SAE1: variants seen among roughly 807,000 people sequenced by gnomAD.
The protein encoded by SAE1 is SUMO1 activating enzyme subunit 1.
A neutral mutation model predicts 40.6 loss-of-function variants in SAE1; 11 were observed. That is an observed-to-expected ratio of 0.27 (90% CI 0.17 to 0.45). The LOEUF is 0.45. Ranked by LOEUF, SAE1 falls within the 20% of genes least tolerant of loss-of-function variation. The probability of loss-of-function intolerance (pLI) is 1.00; values close to 1 mark genes in which losing one functional copy is unlikely to be tolerated. For synonymous variants in SAE1, 155 were observed against 154.3 expected, an observed-to-expected ratio of 1.00 and a Z score of -0.03; for missense variants, 373 against 427.3, an observed-to-expected ratio of 0.87 and a Z score of 1.12.
chr19:47,152,034 C>T (rs544212643), intron 3 of SAE1, among the ~76,000 whole-genome samples: 2 of 152,326 alleles, frequency 1.3e-5, no homozygotes, highest in East Asian at 1.9e-4. Context: ...CTTTGAAACA[C>T]CAAAGGAACA....
intron 6 of SAE1, among the ~76,000 whole-genome samples, chr19:47,186,505 G>T (rs578137296): frequency 6.6e-6 from 1 of 152,086 alleles, no homozygotes. Context: ...TTGAGCATTC[G>T]TGCTCCCCTC....
At chr19:47,207,275 A>G (rs1390573838) in intron 8 of SAE1, among the ~76,000 whole-genome samples, 1 of 152,228 alleles carries the variant, frequency 6.6e-6, no homozygotes, top group Admixed American at 6.5e-5. Context: ...ATTTCCCTGG[A>G]AAAATGGCTG....
rs1190029280 is a variant in SAE1 at position 47,150,307 on chromosome 19, G to T, written c.316G>T (p.Val106Leu). ...GCGAGCTCAGAATCTCAACCCCATGGTGGATGTGAAGGTGGACACTGAGGA... is the reference window on the plus strand; with the variant it reads ...GCGAGCTCAGAATCTCAACCCCATGTTGGATGTGAAGGTGGACACTGAGGA... ...LERAQNLNPM[V>L]DVKVDTEDIE... The change falls in exon 3 of 9, where the codon GTG (valine) becomes TTG (leucine). Residue 106 changes from valine to leucine, a missense_variant. Around this residue, in one of 3 missense-constraint regions of SAE1, gnomAD observed 351 missense variants for 390.6 expected, o/e 0.90. Transcript: ENST00000270225. 12 of 1,613,874 alleles carry T rather than the reference G, an allele frequency of 7.4e-6. No homozygotes were observed. Among genetic ancestry groups the T allele is most frequent in the Non-Finnish European group, 9.3e-6 (11 of 1,179,872 alleles).
At chr19:47,141,504 G>C (rs1028210512) in intron 1 of SAE1, among the ~76,000 whole-genome samples, 1 of 152,280 alleles carries the variant, frequency 6.6e-6, no homozygotes, top group South Asian at 2.1e-4. Flanking sequence ...GTAGGTCGTG[G>C]AGAGCAGATT....
rs571381720 is a variant in SAE1, at chr19:47,198,809, G to C, written c.878+1432G>C. On this transcript the variant is annotated intron_variant, in intron 7 of 8. Coordinates refer to ENST00000270225, the MANE Select transcript of SAE1 (RefSeq NM_005500.3). ...TGACCCAAAAAGCCATGATTGTCCTGGTACAGTGGCTCACACCTATAATCC... is the reference window on the plus strand; with the variant it reads ...TGACCCAAAAAGCCATGATTGTCCTCGTACAGTGGCTCACACCTATAATCC... Among the ~76,000 whole-genome samples, 27 of 152,258 alleles carry C rather than the reference G, an allele frequency of 1.8e-4. No individual in the cohort carries two copies. The South Asian group carries it at 5.4e-3, about 30-fold the overall frequency.
chr19:47,141,088 G>A (rs747849490), intron 1 of SAE1, among the ~76,000 whole-genome samples: 6 of 151,724 alleles, frequency 4.0e-5, no homozygotes, highest in African/African-American at 7.3e-5. Flanking sequence ...TGCAACCTCC[G>A]CCTCCCAGGT....
intron 6 of SAE1, among the ~76,000 whole-genome samples, chr19:47,181,900 C>T (rs1465887481): frequency 1.3e-5 from 2 of 149,414 alleles, no homozygotes; most frequent in African/African-American, 4.9e-5. Context: ...GCCTCCTGGA[C>T]TCAAGCGATC....
At chr19:47,162,586 C>T (rs892462007) in intron 5 of SAE1, among the ~76,000 whole-genome samples, 1 of 152,128 alleles carries the variant, frequency 6.6e-6, no homozygotes, top group African/African-American at 2.4e-5. Context: ...TTCTTGGTCC[C>T]TCTACCCTCC....
intron 6 of SAE1, among the ~76,000 whole-genome samples, chr19:47,195,607 G>T (rs2058608618): frequency 6.6e-6 from 1 of 151,982 alleles, no homozygotes; most frequent in East Asian, 1.9e-4. Flanking sequence ...CTTTAAACTG[G>T]TCCTGCCTAG....
chr19:47,159,614 G>A lies in SAE1; in HGVS notation c.627+4401G>A, dbSNP rs549233935. On this transcript the variant is annotated intron_variant, in intron 5 of 8. Transcript: ENST00000270225. ...CTGTCACCTAGGCTGAAGTGCAGTG[G>A]TTCAAACACTGCTCACTGCAGCCTC... Among the ~76,000 whole-genome samples the A allele has an allele frequency of 2.6e-5, 4 of 151,726 alleles. No individual in the cohort carries two copies. In the East Asian group the frequency reaches 7.7e-4, roughly 29 times the overall value.
In SAE1 at chr19:47,144,293, C is replaced by T. The variant is rs1378314769; in HGVS notation, c.210+688C>T. Among the ~76,000 whole-genome samples the T allele has an allele frequency of 2.0e-5, 3 of 152,004 alleles. No homozygotes were observed. The East Asian group carries it at 5.8e-4, about 29-fold the overall frequency. On this transcript the variant is annotated intron_variant, in intron 2 of 8. Transcript: ENST00000270225. ...AGTTTGCAGTGAGCTGAGATGGCAC[C>T]ACTGCACTCCAGCCTGGGCAACAGA...
chr19:47,171,866 G>A (rs946783836), intron 6 of SAE1, among the ~76,000 whole-genome samples: 2 of 152,092 alleles, frequency 1.3e-5, no homozygotes, highest in Non-Finnish European at 2.9e-5. Context: ...GCCTCCCAAA[G>A]TGCTGGGATT....
chr19:47,153,901 C>G (rs2058303592), intron 4 of SAE1, among the ~76,000 whole-genome samples: 1 of 151,824 alleles, frequency 6.6e-6, no homozygotes, highest in African/African-American at 2.4e-5. Flanking sequence ...AAGCCATTCT[C>G]CTGCCTCAGC....
intron 6 of SAE1, among the ~76,000 whole-genome samples, chr19:47,172,217 C>T (rs2058439140): frequency 6.6e-6 from 1 of 152,256 alleles, no homozygotes; most frequent in South Asian, 2.1e-4. Context: ...CCACGCTCAG[C>T]TGGATGAACT....
chr19:47,131,327 G>A (rs1200247296), intron 1 of SAE1, among the ~76,000 whole-genome samples: 2 of 152,118 alleles, frequency 1.3e-5, no homozygotes, highest in African/African-American at 4.8e-5. Flanking sequence ...AGCGGTGATT[G>A]TGGGGTTTGA....
chr19:47,187,786 T>G (rs1256860526), intron 6 of SAE1, among the ~76,000 whole-genome samples: 1 of 152,142 alleles, frequency 6.6e-6, no homozygotes, highest in Non-Finnish European at 1.5e-5. Flanking sequence ...CCTCTCAAAG[T>G]GCTGGGATTA....
At position 47,203,872 on chromosome 19, in the gene SAE1, A is replaced by T. The variant is rs922552949; in HGVS notation, c.948+132A>T. ...TTCATCTTTGTTTCATGCCCTCCCC[A>T]TTTCCACCTCATCCCATTTTCTCTG... is the stretch of plus-strand genomic sequence containing the variant. On this transcript the variant is annotated intron_variant, in intron 8 of 8. Coordinates refer to ENST00000270225, the MANE Select transcript of SAE1 (RefSeq NM_005500.3). 13 of 775,350 alleles carry T rather than the reference A, an allele frequency of 1.7e-5. No homozygotes were observed. The African/African-American group carries it at 2.3e-4, about 13-fold the overall frequency. The allele number at this position is 775,350 out of a possible 1,614,324, so 48.0% of individuals were successfully genotyped here. A position where few individuals can be genotyped will look rare whatever the true frequency, so the allele number is the denominator to read the frequency against.
chr19:47,141,305 AT>A (rs1283502278), intron 1 of SAE1, among the ~76,000 whole-genome samples: 9 of 150,662 alleles, frequency 6.0e-5, no homozygotes, highest in East Asian at 1.9e-4. Flanking sequence ...CCTGGCCATA[AT>A]TTTTTTTGTA....
At chr19:47,203,143 C>T (rs2058664753) in intron 7 of SAE1, among the ~76,000 whole-genome samples, 1 of 152,060 alleles carries the variant, frequency 6.6e-6, no homozygotes, top group Admixed American at 6.6e-5. Flanking sequence ...AAAATTTGTC[C>T]TCTAGATGCC....
Sources: allele counts gnomAD v4.1 joint callset (sites outside exome capture counted in the v4.1 genomes callset), GRCh38; gene constraint gnomAD v4.1.1; regional missense constraint gnomAD v4.1.1; transcripts MANE v1.5; gene names NCBI Gene and HGNC (gene_info 2026-07-23, HGNC 2026-07-21).